The following C10orf90 variants were observed in gnomAD, a reference collection of about 807,000 sequenced individuals.
C10orf90 encodes the protein chromosome 10 open reading frame 90, also known as (E2-independent) E3 ubiquitin-conjugating enzyme FATS.
Under a neutral mutation model 62.5 loss-of-function variants are expected in C10orf90, and 56 were observed. That is an observed-to-expected ratio of 0.90 (90% CI 0.72 to 1.12). The LOEUF (loss-of-function observed/expected upper bound fraction) is 1.12. C10orf90 is among the 50% of genes most tolerant of loss of function. The pLI is 0.00. For missense variants in C10orf90, 970 were observed against 880.4 expected (o/e 1.10, Z -1.29); for synonymous variants, 386 against 340.4 (o/e 1.13, Z -1.47).
At chr10:126,585,914 TAAG>T (rs1233694808) in intron 2 of C10orf90, among the ~76,000 whole-genome samples, 3 of 152,130 alleles carry the variant, frequency 2.0e-5, no homozygotes, top group Non-Finnish European at 4.4e-5. Flanking sequence ...CCCCACAGAA[TAAG>T]AAGTCTTCCA....
In C10orf90 at chr10:126,504,080, C is replaced by T. The variant is rs1267343589; in HGVS notation, c.1411G>A (p.Ala471Thr). The T allele has an allele frequency of 6.2e-7, 1 of 1,614,134 alleles. No individual in the cohort carries two copies. The highest frequency in any genetic ancestry group is 1.7e-5 in the Admixed American group (1 of 60,008). ...GTGACTTGGTTAGCTCCCACATTTG[C>T]CAATTCTGTGTTTTCCAATGGAAAA... is the stretch of plus-strand genomic sequence containing the variant. Reference protein sequence around the residue: ...GSFPLENTELANVGANQVTVR... With the variant: ...GSFPLENTELTNVGANQVTVR... Residue 471 changes from alanine (A) to threonine (T), a missense_variant, in exon 4 of 10, where the codon GCA becomes ACA. By Grantham distance (58) the Ala-to-Thr change is moderately conservative. Coordinates refer to ENST00000488181, the MANE Select transcript of C10orf90 (RefSeq NM_001350921.2). This position sits in a 1 kb window ranked among gnomAD's most constrained non-coding sequence, Gnocchi z 4.1.
At chr10:126,478,636 C>T (rs1469390033) in intron 4 of C10orf90, among the ~76,000 whole-genome samples, 1 of 152,118 alleles carries the variant, frequency 6.6e-6, no homozygotes, top group African/African-American at 2.4e-5. Context: ...TTGCCAGAGT[C>T]ACTGGATGAA....
At chr10:126,655,839 C>CAAAAAAAAA (rs56164675) in intron 1 of C10orf90, among the ~76,000 whole-genome samples, 1 of 139,812 alleles carries the variant, frequency 7.2e-6, no homozygotes, top group African/African-American at 2.7e-5. Context: ...CAAAACAAAA[C>CAAAAAAAAA]AAAAAAAAAA....
intron 7 of C10orf90, among the ~76,000 whole-genome samples, chr10:126,435,379 T>G (rs973440719): frequency 6.6e-6 from 1 of 152,226 alleles, no homozygotes; most frequent in Non-Finnish European, 1.5e-5. Flanking sequence ...GGTAGATCAT[T>G]CTCTTGCACA....
Position 126,596,379 on chromosome 10 carries a change from A to AG in C10orf90, c.313+50185_313+50186insC, listed in dbSNP as rs1189853153. Among the ~76,000 whole-genome samples the AG allele has an allele frequency of 4.4e-5, 5 of 114,890 alleles. No homozygotes were observed. In the East Asian group the frequency reaches 1.7e-3, roughly 39 times the overall value. The allele number at this position is 114,890 out of a possible 152,430, so 75.4% of individuals were successfully genotyped here. A position where few individuals can be genotyped will look rare whatever the true frequency, so the allele number is the denominator to read the frequency against. ...TGCTCCTTGAAAGACACTTATTTAA[A>AG]AAAAAAAAACAACAACAAACAAAAA... On this transcript the variant is annotated intron_variant, in intron 2 of 9. Transcript: ENST00000488181.
chr10:126,472,527 G>A (rs1860633693), intron 4 of C10orf90, among the ~76,000 whole-genome samples: 1 of 152,144 alleles, frequency 6.6e-6, no homozygotes, highest in Non-Finnish European at 1.5e-5. Context: ...CTGTTTGGGA[G>A]TGGACTTGGG....
At chr10:126,594,399 G>A (rs1441930696) in intron 2 of C10orf90, among the ~76,000 whole-genome samples, 1 of 152,132 alleles carries the variant, frequency 6.6e-6, no homozygotes, top group African/African-American at 2.4e-5. Context: ...AGGGAGTTTG[G>A]ATTGGGAAGA....
intron 2 of C10orf90, among the ~76,000 whole-genome samples, chr10:126,573,760 G>A (rs918998719): frequency 7.2e-5 from 11 of 152,116 alleles, no homozygotes; most frequent in African/African-American, 1.9e-4. Flanking sequence ...CTGATCCCCA[G>A]TACCCAACAC....
intron 2 of C10orf90, among the ~76,000 whole-genome samples, chr10:126,626,128 C>CAAAA (rs35587001): frequency 9.1e-6 from 1 of 109,904 alleles, no homozygotes; most frequent in African/African-American, 3.4e-5. Flanking sequence ...GATTCCATCT[C>CAAAA]AAAAAAAAAA....
At chr10:126,594,552 G>C (rs536856898) in intron 2 of C10orf90, among the ~76,000 whole-genome samples, 1 of 152,140 alleles carries the variant, frequency 6.6e-6, no homozygotes, top group Non-Finnish European at 1.5e-5. Context: ...CACCCTCCTG[G>C]TGACTGTATT....
At chr10:126,619,680 C>T (rs1172401993) in intron 2 of C10orf90, among the ~76,000 whole-genome samples, 1 of 152,104 alleles carries the variant, frequency 6.6e-6, no homozygotes, top group East Asian at 1.9e-4. Context: ...TGCTCTGTCA[C>T]CGAGTTTGGA....
chr10:126,646,348 C>A (rs1338060017), intron 2 of C10orf90, among the ~76,000 whole-genome samples: 1 of 152,230 alleles, frequency 6.6e-6, no homozygotes, highest in African/African-American at 2.4e-5. Flanking sequence ...CTGAAGTCAC[C>A]GCTGTGCCTG....
rs764588711 is a variant in C10orf90 at position 126,504,251 on chromosome 10, C to T, written c.1240G>A (p.Glu414Lys). The T allele has an allele frequency of 1.2e-6, 2 of 1,614,174 alleles. No homozygotes were observed. Among genetic ancestry groups the T allele is most frequent in the Non-Finnish European group, 1.7e-6 (2 of 1,180,048 alleles). ...TCCAGGAGCTCCTGCTTCAGGGCTT[C>T]GCTTATTGGCTCTCTGTTCACTAGG... The part of the protein sequence containing the change: ...DGLVNREPIS[E>K]ALKQELLEGD... The change falls in exon 4 of 10, where the codon GAA (glutamate) becomes AAA (lysine). Residue 414 changes from glutamate (E) to lysine (K), a missense_variant. By Grantham distance (56) the Glu-to-Lys change is moderately conservative. Coordinates refer to ENST00000488181, the MANE Select transcript of C10orf90 (RefSeq NM_001350921.2). The surrounding 1 kb of genome is among the most constrained non-coding windows in gnomAD (Gnocchi z 4.1).
At chr10:126,587,802 C>T (rs1012973765) in intron 2 of C10orf90, among the ~76,000 whole-genome samples, 3 of 152,194 alleles carry the variant, frequency 2.0e-5, no homozygotes, top group African/African-American at 7.2e-5. Flanking sequence ...TTTTTAAGTA[C>T]TCAACCATTT....
chr10:126,638,133 C>T (rs1035028655), intron 2 of C10orf90, among the ~76,000 whole-genome samples: 6 of 152,128 alleles, frequency 3.9e-5, no homozygotes, highest in African/African-American at 7.2e-5. Context: ...GGCTCTAGGT[C>T]GGGGTTCACT....
chr10:126,600,904 T>C (rs767136590), intron 2 of C10orf90, among the ~76,000 whole-genome samples: 3 of 152,344 alleles, frequency 2.0e-5, no homozygotes, highest in Middle Eastern at 3.4e-3. Context: ...TCCCTGGCAG[T>C]ACTATTTACA....
chr10:126,444,310 A>C (rs1590909765), intron 7 of C10orf90, among the ~76,000 whole-genome samples: 1 of 152,216 alleles, frequency 6.6e-6, no homozygotes, highest in East Asian at 1.9e-4. Flanking sequence ...AATTGATAAA[A>C]GAATTCATCA....
chr10:126,535,316 G>A (rs1215547074), intron 2 of C10orf90, among the ~76,000 whole-genome samples: 3 of 151,984 alleles, frequency 2.0e-5, no homozygotes, highest in Admixed American at 6.5e-5. Flanking sequence ...AGGAGATTGA[G>A]ACCATCCTGG....
In C10orf90 at chr10:126,541,318, C is replaced by A. The variant is rs912738350; in HGVS notation, c.314-27379G>T. 4.6e-5 allele frequency among the ~76,000 whole-genome samples: 7 copies of A among 151,606 alleles called. No individual in the cohort carries two copies. In the East Asian group the frequency reaches 1.4e-3, roughly 29 times the overall value. ...CTAAAAAGATGCTAGAGCTCTTTAG[C>A]AATTGGATAAATAAAATTTTAAAAA... On this transcript the variant is annotated intron_variant, in intron 2 of 9. Coordinates refer to ENST00000488181, the MANE Select transcript of C10orf90 (RefSeq NM_001350921.2).
Sources: allele counts gnomAD v4.1 joint callset (sites outside exome capture counted in the v4.1 genomes callset), GRCh38; gene constraint gnomAD v4.1.1; non-coding constraint Gnocchi (gnomAD v3.1); transcripts MANE v1.5; gene names NCBI Gene and HGNC (gene_info 2026-07-23, HGNC 2026-07-21).